Variants in CDC42EP4 observed in about 807,000 individuals in gnomAD.
CDC42EP4 encodes CDC42 effector protein (Rho GTPase binding) 4.
In CDC42EP4, 6 loss-of-function variants were observed where a neutral mutation model predicts 5.6. The ratio of observed to expected loss-of-function variants is 1.07; its 90% CI spans 0.59 to 2.12. The LOEUF is 2.12. Ranked by LOEUF, CDC42EP4 falls within the 30% of genes most tolerant of loss-of-function variation. The pLI, the probability that CDC42EP4 is intolerant of heterozygous loss-of-function variation, is 0.00. For missense variants in CDC42EP4, 490 were observed against 508.6 expected, an observed-to-expected ratio of 0.96 and a Z score of 0.35; for synonymous variants, 230 against 224.2, an observed-to-expected ratio of 1.03 and a Z score of -0.23.
rs112807866 is a variant in CDC42EP4 at position 73,289,735 on chromosome 17, G to A, written c.-112-3123C>T. Among the ~76,000 whole-genome samples, 802 of 97,546 alleles carry A rather than the reference G, an allele frequency of 8.2e-3. 9 individuals are homozygous for A. Among genetic ancestry groups the A allele is most frequent in the African/African-American group, 0.03 (761 of 25,238 alleles). 64.0% of individuals were successfully genotyped at this position (97,546 alleles called of 152,430 possible). A position where few individuals can be genotyped will look rare whatever the true frequency, so the allele number is the denominator to read the frequency against. ...GAAAACAGGAAGGGAGGAAGGGAGG[G>A]AGGGAGGAAGGGAGGGAGGAAGGGA... is the stretch of plus-strand genomic sequence containing the variant. On this transcript the variant is annotated intron_variant, in intron 1 of 1. Coordinates refer to ENST00000335793, the MANE Select transcript of CDC42EP4 (RefSeq NM_012121.5).
intron 1 of CDC42EP4, among the ~76,000 whole-genome samples, chr17:73,296,991 A>G (rs1375677068): frequency 8.4e-6 from 1 of 119,002 alleles, no homozygotes; most frequent in Non-Finnish European, 1.9e-5. Flanking sequence ...AAAAAAAAAA[A>G]AAAAAAAAAA....
At chr17:73,305,973 C>A (rs575821846) in intron 1 of CDC42EP4, among the ~76,000 whole-genome samples, 1 of 152,260 alleles carries the variant, frequency 6.6e-6, no homozygotes, top group Admixed American at 6.5e-5. Flanking sequence ...GTAGTCTCTG[C>A]CAGCAGTCGG....
chr17:73,292,664 A>G (rs2062166987), intron 1 of CDC42EP4, among the ~76,000 whole-genome samples: 1 of 152,184 alleles, frequency 6.6e-6, no homozygotes, highest in African/African-American at 2.4e-5. Context: ...TTGAGAACCA[A>G]ATGATGAGAA....
At chr17:73,306,610 T>C (rs768326304) in intron 1 of CDC42EP4, 10 of 152,396 alleles carry the variant, frequency 6.6e-5, no homozygotes, top group Non-Finnish European at 1.2e-4. Flanking sequence ...CAAATCGTAC[T>C]GCGAGCCCCT....
At chr17:73,292,020 C>T (rs1294309183) in intron 1 of CDC42EP4, among the ~76,000 whole-genome samples, 2 of 152,226 alleles carry the variant, frequency 1.3e-5, no homozygotes, top group East Asian at 1.9e-4. Context: ...GAAGGACAGA[C>T]GGGACCAACA....
intron 1 of CDC42EP4, among the ~76,000 whole-genome samples, chr17:73,299,049 G>A (rs1317125604): frequency 1.3e-5 from 2 of 151,402 alleles, no homozygotes; most frequent in South Asian, 2.1e-4. Context: ...TCAACTTCCC[G>A]GGCTGAAGTG....
At chr17:73,290,968 G>C (rs1026914774) in intron 1 of CDC42EP4, among the ~76,000 whole-genome samples, 1 of 152,214 alleles carries the variant, frequency 6.6e-6, no homozygotes, top group African/African-American at 2.4e-5. Context: ...GATGGCTACA[G>C]GGGAGGACAG....
At chr17:73,301,812 T>C (rs1488951010) in intron 1 of CDC42EP4, among the ~76,000 whole-genome samples, 2 of 151,334 alleles carry the variant, frequency 1.3e-5, no homozygotes, top group East Asian at 3.9e-4. Context: ...GTTCAAGCGA[T>C]TCTTGTGGCT....
At chr17:73,301,523 C>T (rs370816428) in intron 1 of CDC42EP4, among the ~76,000 whole-genome samples, 1 of 152,128 alleles carries the variant, frequency 6.6e-6, no homozygotes, top group South Asian at 2.1e-4. Flanking sequence ...TCTGTAAGGT[C>T]CTTTCAGGCA....
Position 73,285,655 on chromosome 17 carries a change from C to A in CDC42EP4, c.846G>T (p.Glu282Asp). 1 of 1,590,256 alleles carries A rather than the reference C, an allele frequency of 6.3e-7. No homozygotes were observed. Residue 282 changes from glutamate to aspartate, a missense_variant, in exon 2 of 2, where the codon GAG (glutamate) becomes GAT (aspartate). Physicochemically the swap from Glu to Asp is conservative, Grantham distance 45. Transcript: ENST00000335793. This position sits in a 1 kb window ranked among gnomAD's most constrained non-coding sequence, Gnocchi z 6.8. The part of the protein sequence containing the change: ...DLPSLPSHAL[E>D]DEGWAAAAPS... The stretch of plus-strand genomic sequence containing the variant: ...GGGCCGCTGCTGCCCACCCCTCATC[C>A]TCCAGAGCATGGGAGGGGAGGGAGG...
chr17:73,309,530 A>G (rs1444779658), intron 1 of CDC42EP4, among the ~76,000 whole-genome samples: 7 of 152,044 alleles, frequency 4.6e-5, no homozygotes, highest in Non-Finnish European at 1.0e-4. Flanking sequence ...CAGTGGAGGC[A>G]GGGTACAGAG....
At chr17:73,293,999 C>T (rs771152174) in intron 1 of CDC42EP4, among the ~76,000 whole-genome samples, 3 of 152,170 alleles carry the variant, frequency 2.0e-5, no homozygotes, top group Non-Finnish European at 4.4e-5. Context: ...GTGCTGCGTG[C>T]GCAAGGAGGT....
chr17:73,291,864 C>G (rs1182378591), intron 1 of CDC42EP4, among the ~76,000 whole-genome samples: 1 of 152,192 alleles, frequency 6.6e-6, no homozygotes, highest in Non-Finnish European at 1.5e-5. Flanking sequence ...GAGCCCTCCC[C>G]AGAAGGTCAG....
chr17:73,294,810 TTTTC>T (rs780852382), intron 1 of CDC42EP4, among the ~76,000 whole-genome samples: 1 of 152,100 alleles, frequency 6.6e-6, no homozygotes, highest in Admixed American at 6.6e-5. Flanking sequence ...TGGATTTTCT[TTTTC>T]TTTCTTTTTT....
At chr17:73,297,001 A>AAAAAAAAAC (rs547362762) in intron 1 of CDC42EP4, among the ~76,000 whole-genome samples, 9,441 of 61,380 alleles carry the variant, frequency 0.15, 2,138 homozygotes, top group Admixed American at 0.19. Flanking sequence ...AAAAAAAAAA[A>AAAAAAAAAC]AAATACACAA....
chr17:73,290,440 G>T (rs2062156128), intron 1 of CDC42EP4, among the ~76,000 whole-genome samples: 1 of 152,234 alleles, frequency 6.6e-6, no homozygotes, highest in Non-Finnish European at 1.5e-5. Context: ...GTTCCACACT[G>T]TTGCTATTTG....
chr17:73,304,412 G>A (rs888462543), intron 1 of CDC42EP4, among the ~76,000 whole-genome samples: 1 of 151,776 alleles, frequency 6.6e-6, no homozygotes, highest in Non-Finnish European at 1.5e-5. Context: ...TTCCCAAAGT[G>A]CTGGGACGAT....
chr17:73,308,105 G>A (rs746463685), intron 1 of CDC42EP4, among the ~76,000 whole-genome samples: 2 of 152,042 alleles, frequency 1.3e-5, no homozygotes, highest in Middle Eastern at 3.2e-3. Flanking sequence ...TGCCACATGC[G>A]GGCTCCTTCC....
intron 1 of CDC42EP4, among the ~76,000 whole-genome samples, chr17:73,298,253 C>T (rs1291757929): frequency 6.6e-6 from 1 of 152,170 alleles, no homozygotes; most frequent in Non-Finnish European, 1.5e-5. Context: ...TTGTTTTATT[C>T]TAAGTTGCCT....
Sources: gnomAD v4.1 joint callset for allele counts (sites outside exome capture counted in the v4.1 genomes callset) on GRCh38, gnomAD v4.1.1 for gene constraint, Gnocchi (gnomAD v3.1) non-coding constraint, MANE v1.5 for transcripts, NCBI Gene and HGNC (gene_info 2026-07-23, HGNC 2026-07-21) for gene names.